The following USH2A variants were observed in gnomAD, a reference collection of about 807,000 sequenced individuals.
USH2A encodes usherin.
In USH2A, 443 loss-of-function variants were observed where a neutral mutation model predicts 538.9. The ratio of observed to expected loss-of-function variants is 0.82; its 90% CI spans 0.76 to 0.89. USH2A has a LOEUF of 0.89. USH2A is among the 40% of genes least tolerant of loss of function. The pLI, the probability that USH2A is intolerant of heterozygous loss-of-function variation, is 0.00. For missense variants in USH2A, 6,633 were observed against 6,324.8 expected (o/e 1.05, Z -1.65); for synonymous variants, 2,413 against 2,273.5 (o/e 1.06, Z -1.75).
intron 47 of USH2A, among the ~76,000 whole-genome samples, chr1:215,826,362 C>A (rs147652608): frequency 6.6e-6 from 1 of 152,294 alleles, no homozygotes; most frequent in East Asian, 1.9e-4. Flanking sequence ...TCAAGAAAAA[C>A]ATACAATTGC....
intron 3 of USH2A, among the ~76,000 whole-genome samples, chr1:216,382,386 C>G (rs2038936279): frequency 6.6e-6 from 1 of 151,996 alleles, no homozygotes; most frequent in Non-Finnish European, 1.5e-5. Flanking sequence ...GCAGTTGTAG[C>G]AACATAAGAA....
intron 64 of USH2A, among the ~76,000 whole-genome samples, chr1:215,659,560 CT>C (rs34687699): frequency 1.3e-5 from 2 of 151,830 alleles, no homozygotes; most frequent in South Asian, 2.1e-4. Flanking sequence ...TTAAATTTTA[CT>C]TTTTTTTGTA....
intron 3 of USH2A, among the ~76,000 whole-genome samples, chr1:216,382,041 C>T (rs1269869653): frequency 1.3e-5 from 2 of 152,204 alleles, no homozygotes; most frequent in African/African-American, 4.8e-5. Context: ...ACTGTCCTAT[C>T]AACTTTGTTC....
At chr1:215,773,451 T>A (rs915440780) in intron 55 of USH2A, among the ~76,000 whole-genome samples, 12 of 151,902 alleles carry the variant, frequency 7.9e-5, no homozygotes, top group African/African-American at 2.9e-4. Flanking sequence ...TCTGCTTTGG[T>A]CCGCTGCCTC....
chr1:215,936,797 C>A (rs1183964912), intron 37 of USH2A, among the ~76,000 whole-genome samples: 3 of 152,034 alleles, frequency 2.0e-5, no homozygotes, highest in Admixed American at 2.0e-4. Flanking sequence ...AATAAAGCAG[C>A]ACTAATCTCA....
Position 215,798,962 on chromosome 1 carries a change from G to T in USH2A, c.9903C>A (p.Ser3301Arg). ...GQKCCGRQIV[S>R]NDLECCGGEE... ...CTCCACCACAACACTCTAAATCGTT[G>T]CTCACAATCTGTCTGCCACAGCACT... The change falls in exon 50 of 72, where the codon AGC becomes AGA. Residue 3301 changes from serine to arginine, a missense_variant. Coordinates refer to ENST00000307340, the MANE Select transcript of USH2A (RefSeq NM_206933.4). 6.2e-7 allele frequency: 1 copy of T among 1,614,068 alleles called. No homozygotes were observed. Among genetic ancestry groups the T allele is most frequent in the Non-Finnish European group, 8.5e-7 (1 of 1,179,998 alleles).
At chr1:215,650,883 AC>A in intron 64 of USH2A, 82 bp from the exon 65 acceptor site, 1 of 1,524,852 alleles carries the variant, frequency 6.6e-7, no homozygotes. Context: ...AGGAAAAAAA[AC>A]GAAATTGGCA....
At position 215,965,332 on chromosome 1, in the gene USH2A, A is replaced by C. The variant is rs1475753019; in HGVS notation, c.7105T>G (p.Phe2369Val). ...LTHSVLFTGI[F>V]YVDPVGNNYT... is the part of the protein sequence containing the mutation. ...AACAAATTACCTGGGTCTACATAGAATATCCCAGTGAAAAGGACTGAGTGT... is the reference window on the plus strand; with the variant it reads ...AACAAATTACCTGGGTCTACATAGACTATCCCAGTGAAAAGGACTGAGTGT... Residue 2369 changes from phenylalanine to valine, a missense_variant, in exon 37 of 72, where the codon TTC (phenylalanine) becomes GTC (valine). Phe to Val is a conservative substitution (Grantham distance 50). Transcript: ENST00000307340. 4.3e-6 allele frequency: 7 copies of C among 1,613,628 alleles called. No individual in the cohort carries two copies. In the Admixed American group the frequency reaches 5.0e-5, roughly 12 times the overall value.
At chr1:216,070,503 A>C (rs2031523411) in intron 29 of USH2A, among the ~76,000 whole-genome samples, 1 of 152,168 alleles carries the variant, frequency 6.6e-6, no homozygotes, top group East Asian at 1.9e-4. Context: ...TCAAAACTCC[A>C]TCGACATAAC....
chr1:215,739,187 T>C (rs748887265), intron 60 of USH2A, among the ~76,000 whole-genome samples: 16 of 152,190 alleles, frequency 1.1e-4, no homozygotes, highest in Non-Finnish European at 2.4e-4. Context: ...CAGGCTACAA[T>C]TATGATTGTG....
chr1:216,250,989 C>T lies in USH2A; in HGVS notation c.2081G>A (p.Cys694Tyr), dbSNP rs137954284. Residue 694 changes from cysteine to tyrosine, a missense_variant, in exon 12 of 72, where the codon TGT becomes TAT. By Grantham distance (194) the Cys-to-Tyr change is radical (BLOSUM62 -2). Transcript: ENST00000307340. ...QELDPDGCSP[C>Y]NCNTSGTVDG... Reference sequence around the variant, plus strand: ...CACTGTCCCAGAGGTATTGCAGTTACAGGGACTGCAGCCATCAGGATCCAA... The same window carrying T: ...CACTGTCCCAGAGGTATTGCAGTTATAGGGACTGCAGCCATCAGGATCCAA... 2.1e-5 allele frequency: 34 copies of T among 1,613,926 alleles called. No homozygotes were observed. Among genetic ancestry groups the T allele is most frequent in the Non-Finnish European group, 2.6e-5 (31 of 1,180,004 alleles).
At chr1:216,202,396 A>G (rs1287665572) in intron 16 of USH2A, among the ~76,000 whole-genome samples, 1 of 152,252 alleles carries the variant, frequency 6.6e-6, no homozygotes, top group Non-Finnish European at 1.5e-5. Flanking sequence ...GGAATATCAT[A>G]TAAGGCAATT....
At chr1:216,177,117 T>A (rs2034404021) in intron 20 of USH2A, among the ~76,000 whole-genome samples, 1 of 152,106 alleles carries the variant, frequency 6.6e-6, no homozygotes, top group South Asian at 2.1e-4. Context: ...AAGAGCATGT[T>A]TGGTTTTCAA....
chr1:215,710,984 A>T (rs1659324297), intron 61 of USH2A, among the ~76,000 whole-genome samples: 1 of 151,952 alleles, frequency 6.6e-6, no homozygotes, highest in African/African-American at 2.4e-5. Context: ...CTGCATAGTA[A>T]GTCACTGCTG....
At position 216,215,266 on chromosome 1, in the gene USH2A, G is replaced by A. The variant is rs180820895; in HGVS notation, c.3157+2121C>T. 6.8e-4 allele frequency among the ~76,000 whole-genome samples: 103 copies of A among 152,198 alleles called. 1 individual carries two copies. Among genetic ancestry groups the A allele is most frequent in the Admixed American group, 6.7e-3 (103 of 15,262 alleles). On this transcript the variant is annotated intron_variant, in intron 15 of 71. Coordinates refer to ENST00000307340, the MANE Select transcript of USH2A (RefSeq NM_206933.4). ...AACTGTGTAGGGGGTGGGGTACCAT[G>A]AGAAATTTTAATTTTAAATGAAAAT...
intron 21 of USH2A, among the ~76,000 whole-genome samples, chr1:216,135,005 A>G (rs1377643194): frequency 6.6e-6 from 1 of 152,116 alleles, no homozygotes; most frequent in African/African-American, 2.4e-5. Flanking sequence ...TAATCTAGCC[A>G]TCAGAATAGC....
chr1:216,128,881 A>G (rs931560977), intron 21 of USH2A, among the ~76,000 whole-genome samples: 5 of 151,962 alleles, frequency 3.3e-5, no homozygotes, highest in Non-Finnish European at 7.4e-5. Context: ...CCCATTACCC[A>G]TTACCGAACA....
Position 216,023,459 on chromosome 1 carries a change from C to CAAAAAAAAAAAAAAAA in USH2A, c.6326-22913_6326-22898dup. 2.0e-3 allele frequency among the ~76,000 whole-genome samples: 94 copies of CAAAAAAAAAAAAAAAA among 46,894 alleles called. 1 individual carries two copies. Among genetic ancestry groups the CAAAAAAAAAAAAAAAA allele is most frequent in the Middle Eastern group, 0.016 (1 of 64 alleles). The allele number at this position is 46,894 out of a possible 152,430, so 30.8% of individuals were successfully genotyped here. A position where few individuals can be genotyped will look rare whatever the true frequency, so the allele number is the denominator to read the frequency against. On this transcript the variant is annotated intron_variant, in intron 32 of 71. Coordinates refer to ENST00000307340, the MANE Select transcript of USH2A (RefSeq NM_206933.4). Reference sequence around the variant, plus strand: ...CCTCTTAAAAACTGTTCAAAGCAGACAAAAAAAAAAAAAAAAAAAAAAATC... The same window carrying CAAAAAAAAAAAAAAAA: ...CCTCTTAAAAACTGTTCAAAGCAGACAAAAAAAAAAAAAAAAAAAAAAAAAAAAAAAAAAAAAAATC...
intron 21 of USH2A, among the ~76,000 whole-genome samples, chr1:216,145,355 G>T (rs930360665): frequency 2.0e-5 from 3 of 152,128 alleles, no homozygotes; most frequent in African/African-American, 7.2e-5. Flanking sequence ...GGGATCCAGG[G>T]GCAATGCGGT....
Sources: gnomAD v4.1 joint callset for allele counts (sites outside exome capture counted in the v4.1 genomes callset) on GRCh38, gnomAD v4.1.1 for gene constraint, MANE v1.5 for transcripts, NCBI Gene and HGNC (gene_info 2026-07-23, HGNC 2026-07-21) for gene names.